GPD2: variants seen among roughly 807,000 people sequenced by gnomAD.
GPD2 encodes glycerol-3-phosphate dehydrogenase 2.
In GPD2, 54 loss-of-function variants were observed where a neutral mutation model predicts 82.4. That is an observed-to-expected ratio of 0.66 (90% confidence interval 0.53 to 0.82). The LOEUF (loss-of-function observed/expected upper bound fraction) is 0.82. Ranked by LOEUF, GPD2 falls within the 40% of genes least tolerant of loss-of-function variation. The pLI is 0.00. For synonymous variants in GPD2, 288 were observed against 306.1 expected (o/e 0.94, Z 0.62); for missense variants, 748 against 896.2 (o/e 0.83, Z 2.11).
Position 156,484,949 on chromosome 2 carries a change from A to G in GPD2, c.102+8742A>G, listed in dbSNP as rs559218962. On this transcript the variant is annotated intron_variant, in intron 2 of 16. Coordinates refer to ENST00000438166, the MANE Select transcript of GPD2 (RefSeq NM_000408.5). ...GCTCACCCACCCTCTGCTTACCACTATTTTACTCTCTGCTTCTATGAGTTC... is the reference window on the plus strand; with the variant it reads ...GCTCACCCACCCTCTGCTTACCACTGTTTTACTCTCTGCTTCTATGAGTTC... Among the ~76,000 whole-genome samples, 522 of 152,182 alleles carry G rather than the reference A, an allele frequency of 3.4e-3. 11 individuals are homozygous for G. The highest frequency in any genetic ancestry group is 0.012 in the African/African-American group (503 of 41,522).
intron 3 of GPD2, among the ~76,000 whole-genome samples, chr2:156,498,189 A>G (rs1684454856): frequency 1.3e-5 from 2 of 152,184 alleles, no homozygotes; most frequent in African/African-American, 4.8e-5. Flanking sequence ...ATATATGCTG[A>G]GTGCCTGCTG....
the GPD2 span, among the ~76,000 whole-genome samples, chr2:156,421,416 A>G: frequency 6.6e-6 from 1 of 152,244 alleles, no homozygotes; most frequent in African/African-American, 2.4e-5. Flanking sequence ...TCCTGGGGGC[A>G]GAAAGAGGTT....
At chr2:156,548,437 C>A (rs979215354) in intron 6 of GPD2, among the ~76,000 whole-genome samples, 2 of 152,150 alleles carry the variant, frequency 1.3e-5, no homozygotes, top group Admixed American at 1.3e-4. Flanking sequence ...CTTGATAGAG[C>A]ATTTAATTTT....
rs1688133953 is a variant in GPD2 at position 156,584,220 on chromosome 2, G to C, written c.*1302G>C. ...CTACATTTTGGTGGCATTTTAACTA[G>C]TTATCTGAATATTTATTAATCGTAC... On this transcript the variant is annotated 3_prime_UTR_variant, in exon 17 of 17. Transcript: ENST00000438166. The C allele has an allele frequency of 6.6e-6, 1 of 151,992 alleles. No homozygotes were observed. Among genetic ancestry groups the C allele is most frequent in the South Asian group, 2.1e-4 (1 of 4,832 alleles). The allele number at this position is 151,992 out of a possible 1,614,324, so 9.4% of individuals were successfully genotyped here.
intron 3 of GPD2, among the ~76,000 whole-genome samples, chr2:156,504,765 T>C (rs967307887): frequency 6.6e-6 from 1 of 152,052 alleles, no homozygotes; most frequent in Non-Finnish European, 1.5e-5. Flanking sequence ...TAGAAAAATA[T>C]TTATTGACAT....
At chr2:156,401,169 C>T in the GPD2 span, among the ~76,000 whole-genome samples, 7 of 152,130 alleles carry the variant, frequency 4.6e-5, no homozygotes, top group African/African-American at 7.2e-5. Context: ...GAATCGAACC[C>T]GGGCCTCCCG....
rs1298824638 is a variant in GPD2, at chr2:156,535,357, AAGAG to A, written c.662-14242_662-14239del. Among the ~76,000 whole-genome samples the A allele has an allele frequency of 4.7e-5, 6 of 126,734 alleles. 1 individual carries two copies. Among genetic ancestry groups the A allele is most frequent in the South Asian group, 3.1e-4 (1 of 3,252 alleles). 83.1% of individuals were successfully genotyped at this position (126,734 alleles called of 152,430 possible). On this transcript the variant is annotated intron_variant, in intron 6 of 16. Transcript: ENST00000438166. ...GAGAGAGAAGAGAGAGAAAGAAAGAAAGAGAGAGAGAGCGAGAAAGAGAAAAAGA... is the reference window on the plus strand; with the variant it reads ...GAGAGAGAAGAGAGAGAAAGAAAGAAAGAGAGAGCGAGAAAGAGAAAAAGA...
chr2:156,578,610 C>T (rs1334165149), intron 13 of GPD2, among the ~76,000 whole-genome samples: 1 of 152,160 alleles, frequency 6.6e-6, no homozygotes, highest in East Asian at 1.9e-4. Flanking sequence ...AGAAGCCAGT[C>T]AGTGTTTGCC....
chr2:156,491,027 G>A (rs777708186), intron 2 of GPD2, among the ~76,000 whole-genome samples: 3 of 151,858 alleles, frequency 2.0e-5, no homozygotes, highest in Admixed American at 6.6e-5. Flanking sequence ...ATACAGTTAT[G>A]TAATGAGCAC....
chr2:156,484,794 C>G (rs987110505), intron 2 of GPD2, among the ~76,000 whole-genome samples: 6 of 152,072 alleles, frequency 3.9e-5, no homozygotes, highest in African/African-American at 1.4e-4. Context: ...GAGCCGAGAT[C>G]GCACCACTGC....
chr2:156,567,010 T>A (rs1327423251), intron 9 of GPD2, among the ~76,000 whole-genome samples: 2 of 152,112 alleles, frequency 1.3e-5, no homozygotes, highest in Non-Finnish European at 2.9e-5. Context: ...CATTTGTATA[T>A]CTTTTTTGGA....
chr2:156,524,278 A>G (rs1416319839), intron 6 of GPD2, among the ~76,000 whole-genome samples: 1 of 152,022 alleles, frequency 6.6e-6, no homozygotes, highest in African/African-American at 2.4e-5. Flanking sequence ...TTGTCTCATT[A>G]ATCTGTTGCT....
the GPD2 span, among the ~76,000 whole-genome samples, chr2:156,426,261 C>G: frequency 1.3e-5 from 2 of 152,228 alleles, no homozygotes; most frequent in Non-Finnish European, 2.9e-5. Context: ...GTTTAATTGA[C>G]TCACTGTTCA....
At chr2:156,408,588 A>C in the GPD2 span, among the ~76,000 whole-genome samples, 1 of 151,892 alleles carries the variant, frequency 6.6e-6, no homozygotes, top group Non-Finnish European at 1.5e-5. Flanking sequence ...AAGTAAAAAA[A>C]CTAGCCAGGC....
chr2:156,467,319 T>G (rs1683183332), intron 1 of GPD2, among the ~76,000 whole-genome samples: 1 of 152,184 alleles, frequency 6.6e-6, no homozygotes, highest in Admixed American at 6.5e-5. Context: ...CAGCAATGTG[T>G]GAGTGTGTTG....
At chr2:156,401,049 C>T in the GPD2 span, among the ~76,000 whole-genome samples, 1 of 152,200 alleles carries the variant, frequency 6.6e-6, no homozygotes, top group Non-Finnish European at 1.5e-5. Context: ...TTCATTAATA[C>T]TTCTTTATTT....
At chr2:156,401,143 A>G in the GPD2 span, among the ~76,000 whole-genome samples, 216 of 152,310 alleles carry the variant, frequency 1.4e-3, no homozygotes, top group Non-Finnish European at 2.5e-3. Flanking sequence ...TAGAAGTCAA[A>G]ACTTGCATTG....
chr2:156,523,927 A>C (rs1461271735), intron 6 of GPD2, among the ~76,000 whole-genome samples: 1 of 152,216 alleles, frequency 6.6e-6, no homozygotes, highest in Non-Finnish European at 1.5e-5. Flanking sequence ...CCTGATTTTA[A>C]AAACCAACTC....
chr2:156,428,733 T>C, the GPD2 span, among the ~76,000 whole-genome samples: 2 of 152,362 alleles, frequency 1.3e-5, no homozygotes, highest in Non-Finnish European at 2.9e-5. Context: ...CCTTCTACTT[T>C]ACGCCTCCCT....
Sources: allele counts gnomAD v4.1 joint callset (sites outside exome capture counted in the v4.1 genomes callset), GRCh38; gene constraint gnomAD v4.1.1; transcripts MANE v1.5; gene names NCBI Gene and HGNC (gene_info 2026-07-23, HGNC 2026-07-21).